NYAP2: variants seen among roughly 807,000 people sequenced by gnomAD.
NYAP2 encodes the protein neuronal tyrosine-phosphorylated phosphoinositide-3-kinase adaptor 2.
NYAP2 carries 23 observed loss-of-function variants against 50.4 expected under a neutral mutation model. That is an observed-to-expected ratio of 0.46 (90% confidence interval 0.33 to 0.65). NYAP2 has a LOEUF of 0.65. NYAP2 is among the 30% of genes least tolerant of loss of function. The pLI is 0.02. For synonymous variants in NYAP2, 394 were observed against 365.2 expected (o/e 1.08, Z -0.90); for missense variants, 885 against 861.0 (o/e 1.03, Z -0.35).
the NYAP2 span, among the ~76,000 whole-genome samples, chr2:225,660,441 A>T: frequency 7.5e-5 from 10 of 134,000 alleles, no homozygotes; most frequent in South Asian, 2.5e-4. Context: ...CACAGGATAC[A>T]TTTTTTTTTT....
At chr2:225,449,433 A>C (rs773605310) in intron 3 of NYAP2, among the ~76,000 whole-genome samples, 5 of 152,162 alleles carry the variant, frequency 3.3e-5, no homozygotes, top group South Asian at 2.1e-4. Context: ...ATGACAGCTG[A>C]TTCTTGATAT....
At chr2:225,660,296 C>A in the NYAP2 span, among the ~76,000 whole-genome samples, 1 of 152,278 alleles carries the variant, frequency 6.6e-6, no homozygotes, top group South Asian at 2.1e-4. Flanking sequence ...GGTAGCATTT[C>A]AGAACTGTCA....
At chr2:225,695,153 C>T in the NYAP2 span, among the ~76,000 whole-genome samples, 1 of 151,594 alleles carries the variant, frequency 6.6e-6, no homozygotes, top group Admixed American at 6.6e-5. Context: ...ACACAAAATA[C>T]ATATTTTATG....
intron 4 of NYAP2, among the ~76,000 whole-genome samples, chr2:225,571,573 T>G (rs890625549): frequency 6.6e-6 from 1 of 152,206 alleles, no homozygotes; most frequent in Admixed American, 6.5e-5. Flanking sequence ...CCTTGGCCCC[T>G]TTTAGCCATG....
chr2:225,616,069 G>C (rs1692984480), intron 5 of NYAP2, among the ~76,000 whole-genome samples: 1 of 152,268 alleles, frequency 6.6e-6, no homozygotes, highest in South Asian at 2.1e-4. Context: ...AAAGTGATTA[G>C]GACTTTTTGC....
intron 4 of NYAP2, among the ~76,000 whole-genome samples, chr2:225,581,429 A>AT (rs1273836121): frequency 1.1e-4 from 16 of 152,250 alleles, no homozygotes; most frequent in African/African-American, 3.9e-4. Context: ...ACCAAGACAG[A>AT]TTTTAAGTCT....
At chr2:225,484,904 C>G (rs969192701) in intron 3 of NYAP2, among the ~76,000 whole-genome samples, 2 of 152,146 alleles carry the variant, frequency 1.3e-5, no homozygotes, top group Non-Finnish European at 2.9e-5. Flanking sequence ...TGGGCTTCAC[C>G]CCAGTGCTAT....
At chr2:225,611,519 C>T (rs536078829) in intron 5 of NYAP2, among the ~76,000 whole-genome samples, 2 of 151,936 alleles carry the variant, frequency 1.3e-5, no homozygotes, top group South Asian at 2.1e-4. Flanking sequence ...TCCCTCTGCC[C>T]GCAAAACTAA....
intron 4 of NYAP2, among the ~76,000 whole-genome samples, chr2:225,554,309 G>A (rs13382598): frequency 6.8e-6 from 1 of 146,538 alleles, no homozygotes. Context: ...ACTGTCATCA[G>A]AAAACATTTA....
At chr2:225,679,643 C>G in the NYAP2 span, among the ~76,000 whole-genome samples, 1 of 151,718 alleles carries the variant, frequency 6.6e-6, no homozygotes, top group East Asian at 2.0e-4. Context: ...TACAGGCATG[C>G]ACCACCATGC....
At chr2:225,460,073 GTCTCTTATTCACT>G in intron 3 of NYAP2, among the ~76,000 whole-genome samples, 1 of 152,238 alleles carries the variant, frequency 6.6e-6, no homozygotes, top group East Asian at 1.9e-4. Context: ...AGATGACATT[GTCTCTTATTCACT>G]CCTCTTTAGG....
intron 4 of NYAP2, among the ~76,000 whole-genome samples, chr2:225,554,547 C>T (rs561091011): frequency 1.3e-5 from 2 of 152,118 alleles, no homozygotes; most frequent in African/African-American, 4.8e-5. Context: ...TGATCTTGAT[C>T]TCCTGACCTC....
the NYAP2 span, among the ~76,000 whole-genome samples, chr2:225,674,118 G>A: frequency 6.6e-6 from 1 of 152,100 alleles, no homozygotes; most frequent in Admixed American, 6.6e-5. Context: ...TCTGAGAGCT[G>A]TGGGGTAGAG....
chr2:225,686,002 G>A, the NYAP2 span, among the ~76,000 whole-genome samples: 13 of 151,874 alleles, frequency 8.6e-5, no homozygotes, highest in South Asian at 2.1e-4. Flanking sequence ...TTATTTTCTT[G>A]TAGTTTTACC....
intron 4 of NYAP2, among the ~76,000 whole-genome samples, chr2:225,522,153 A>T (rs1352463834): frequency 6.6e-6 from 1 of 151,664 alleles, no homozygotes; most frequent in Non-Finnish European, 1.5e-5. Flanking sequence ...CATCTATTTG[A>T]TTCTTCTCTC....
At chr2:225,421,602 G>A (rs971810247) in intron 3 of NYAP2, among the ~76,000 whole-genome samples, 1 of 152,194 alleles carries the variant, frequency 6.6e-6, no homozygotes, top group African/African-American at 2.4e-5. Flanking sequence ...TTACATAGGA[G>A]GGAATGTTTG....
the NYAP2 span, among the ~76,000 whole-genome samples, chr2:225,659,998 A>G: frequency 2.0e-5 from 3 of 152,186 alleles, no homozygotes; most frequent in Non-Finnish European, 2.9e-5. Flanking sequence ...CTGCTAGTGC[A>G]TGGTGATAAG....
chr2:225,555,437 T>C (rs1691759933), intron 4 of NYAP2, among the ~76,000 whole-genome samples: 1 of 152,188 alleles, frequency 6.6e-6, no homozygotes, highest in South Asian at 2.1e-4. Flanking sequence ...GAAGATTCTA[T>C]GTTGTTAAAA....
At chr2:225,643,144 C>A (rs549526466) in intron 6 of NYAP2, among the ~76,000 whole-genome samples, 1 of 151,936 alleles carries the variant, frequency 6.6e-6, no homozygotes, top group South Asian at 2.1e-4. Flanking sequence ...ATGAGTAGAA[C>A]CTTGGAATTT....
Sources: gnomAD v4.1 joint callset for allele counts (sites outside exome capture counted in the v4.1 genomes callset) on GRCh38, gnomAD v4.1.1 for gene constraint, MANE v1.5 for transcripts, NCBI Gene and HGNC (gene_info 2026-07-23, HGNC 2026-07-21) for gene names.